The following CLNK variants were observed in gnomAD, a reference collection of about 807,000 sequenced individuals.
CLNK encodes the protein cytokine dependent hematopoietic cell linker, also known as cytokine-dependent hematopoietic cell linker.
CLNK carries 74 observed loss-of-function variants against 68.6 expected under a neutral mutation model. That is an observed-to-expected ratio of 1.08 (90% CI 0.89 to 1.31). CLNK has a LOEUF of 1.31. Ranked by LOEUF, CLNK falls within the 50% of genes most tolerant of loss-of-function variation. CLNK has a pLI of 0.00. For synonymous variants in CLNK, 198 were observed against 172.2 expected (o/e 1.15, Z -1.17); for missense variants, 553 against 515.3 (o/e 1.07, Z -0.71).
chr4:10,638,403 G>T (rs1379914141), intron 2 of CLNK, among the ~76,000 whole-genome samples: 1 of 152,158 alleles, frequency 6.6e-6, no homozygotes, highest in Non-Finnish European at 1.5e-5. Context: ...TGGGCAATAT[G>T]GTCACCCTGA....
intron 11 of CLNK, among the ~76,000 whole-genome samples, chr4:10,539,283 G>T (rs1255587999): frequency 6.6e-6 from 1 of 152,160 alleles, no homozygotes; most frequent in Admixed American, 6.5e-5. Flanking sequence ...GCTTGTGTGG[G>T]GCTGTAATGG....
chr4:10,518,506 A>C (rs1000042592), intron 15 of CLNK, among the ~76,000 whole-genome samples: 1 of 152,216 alleles, frequency 6.6e-6, no homozygotes, highest in Non-Finnish European at 1.5e-5. Flanking sequence ...ATTGGTGAAC[A>C]AACACTAAAA....
the CLNK span, among the ~76,000 whole-genome samples, chr4:10,725,681 T>G: frequency 1.2e-3 from 188 of 152,084 alleles, 3 homozygotes; most frequent in Non-Finnish European, 6.0e-4. Context: ...GTGAAACACC[T>G]TCTCTACTAA....
intron 2 of CLNK, among the ~76,000 whole-genome samples, chr4:10,621,089 C>G (rs751558066): frequency 6.6e-6 from 1 of 152,144 alleles, no homozygotes; most frequent in Admixed American, 6.5e-5. Context: ...GAGCGAGACT[C>G]CGTCTCGAAA....
chr4:10,691,842 C>T, the CLNK span, among the ~76,000 whole-genome samples: 1 of 152,086 alleles, frequency 6.6e-6, no homozygotes, highest in Non-Finnish European at 1.5e-5. Flanking sequence ...GAAACACCGC[C>T]GAGGAATCTC....
chr4:10,733,140 T>C, the CLNK span, among the ~76,000 whole-genome samples: 1 of 152,140 alleles, frequency 6.6e-6, no homozygotes, highest in South Asian at 2.1e-4. Flanking sequence ...CCCCAGGTGA[T>C]AGCCACAGCT....
intron 1 of CLNK, among the ~76,000 whole-genome samples, chr4:10,670,976 T>TAGAAA (rs1724606497): frequency 6.6e-6 from 1 of 152,212 alleles, no homozygotes; most frequent in South Asian, 2.1e-4. Context: ...GACTTGTATT[T>TAGAAA]TGAAATTTGA....
the CLNK span, among the ~76,000 whole-genome samples, chr4:10,699,513 T>TATATATATATATATA: frequency 1.8e-4 from 11 of 62,050 alleles, no homozygotes; most frequent in African/African-American, 9.0e-4. Flanking sequence ...TATATATATA[T>TATATATATATATATA]TTTTTTTTTT....
intron 7 of CLNK, among the ~76,000 whole-genome samples, chr4:10,558,870 G>A (rs978343626): frequency 3.9e-5 from 6 of 152,178 alleles, no homozygotes; most frequent in African/African-American, 1.4e-4. Flanking sequence ...CTCATGGGAA[G>A]GCCTGGGTTA....
intron 1 of CLNK, among the ~76,000 whole-genome samples, chr4:10,671,766 T>G (rs114373097): frequency 0.012 from 1,837 of 152,290 alleles, 32 homozygotes; most frequent in African/African-American, 0.04. Context: ...ATGATCCTCA[T>G]TTTATACAAA....
intron 17 of CLNK, among the ~76,000 whole-genome samples, chr4:10,507,265 C>G (rs917580249): frequency 6.6e-6 from 1 of 151,834 alleles, no homozygotes; most frequent in Non-Finnish European, 1.5e-5. Context: ...GCACCCACCA[C>G]CACGCCTGGC....
intron 2 of CLNK, among the ~76,000 whole-genome samples, chr4:10,633,734 C>G (rs1722976513): frequency 6.6e-6 from 1 of 152,188 alleles, no homozygotes; most frequent in South Asian, 2.1e-4. Flanking sequence ...CAGAAGCAGA[C>G]AGAATCTGTC....
intron 1 of CLNK, among the ~76,000 whole-genome samples, chr4:10,680,202 T>C (rs931608346): frequency 6.6e-6 from 1 of 151,630 alleles, no homozygotes; most frequent in Non-Finnish European, 1.5e-5. Flanking sequence ...AAATGATGAG[T>C]TCATGTCCTT....
At chr4:10,608,183 C>T (rs1721859736) in intron 2 of CLNK, among the ~76,000 whole-genome samples, 1 of 152,248 alleles carries the variant, frequency 6.6e-6, no homozygotes, top group South Asian at 2.1e-4. Context: ...TCCCTTTCCA[C>T]TCAAAGATCT....
At chr4:10,555,824 G>T (rs1719653949) in intron 8 of CLNK, among the ~76,000 whole-genome samples, 1 of 151,180 alleles carries the variant, frequency 6.6e-6, no homozygotes, top group Admixed American at 6.6e-5. Flanking sequence ...GCATTTTTAA[G>T]CAAGATGCCT....
the CLNK span, among the ~76,000 whole-genome samples, chr4:10,703,547 G>C: frequency 2.6e-5 from 4 of 152,080 alleles, no homozygotes; most frequent in Non-Finnish European, 5.9e-5. Context: ...CTCACTGTAA[G>C]CTCTTAGAGA....
chr4:10,638,822 A>G, intron 2 of CLNK, among the ~76,000 whole-genome samples: 1 of 152,190 alleles, frequency 6.6e-6, no homozygotes, highest in East Asian at 1.9e-4. Context: ...GATCAAGGCC[A>G]TTCTCTTTGG....
At chr4:10,724,477 A>C in the CLNK span, among the ~76,000 whole-genome samples, 1 of 126,982 alleles carries the variant, frequency 7.9e-6, no homozygotes. Context: ...TTACATTTTT[A>C]GTTAGTTTTT....
At chr4:10,524,791 G>T (rs1196848638) in intron 14 of CLNK, among the ~76,000 whole-genome samples, 3 of 152,136 alleles carry the variant, frequency 2.0e-5, no homozygotes, top group Non-Finnish European at 4.4e-5. Flanking sequence ...GTTCCAATAG[G>T]GAGAGGGTGG....
Sources: gnomAD v4.1 joint callset for allele counts (sites outside exome capture counted in the v4.1 genomes callset) on GRCh38, gnomAD v4.1.1 for gene constraint, MANE v1.5 for transcripts, NCBI Gene and HGNC (gene_info 2026-07-23, HGNC 2026-07-21) for gene names.